UMAD1: variants seen among roughly 807,000 people sequenced by gnomAD.
The protein encoded by UMAD1 is UBAP1-MVB12-associated (UMA) domain containing 1, also known as UBAP1-MVB12-associated (UMA)-domain containing protein 1.
In UMAD1, 8 loss-of-function variants were observed where a neutral mutation model predicts 6.1. The ratio of observed to expected loss-of-function variants is 1.30; its 90% CI spans 0.76 to 2.35. The LOEUF (loss-of-function observed/expected upper bound fraction) is 2.35, where lower values mean the gene tolerates loss of function less well. UMAD1 is among the 30% of genes most tolerant of loss of function. The pLI, the probability that UMAD1 is intolerant of heterozygous loss-of-function variation, is 0.00. For synonymous variants in UMAD1, 56 were observed against 31.4 expected (o/e 1.78, Z -2.61); for missense variants, 130 against 78.4 (o/e 1.66, Z -2.49).
intron 3 of UMAD1, among the ~76,000 whole-genome samples, chr7:7,862,223 GTATAA>G (rs1414004413): frequency 2.0e-5 from 3 of 151,928 alleles, no homozygotes; most frequent in Non-Finnish European, 2.9e-5. Flanking sequence ...AAACAAATTA[GTATAA>G]TATATTTATA....
At chr7:7,754,563 C>A (rs143667980) in intron 2 of UMAD1, among the ~76,000 whole-genome samples, 2 of 152,244 alleles carry the variant, frequency 1.3e-5, no homozygotes, top group African/African-American at 4.8e-5. Flanking sequence ...TTCAGATCTG[C>A]TTTGTTCAGT....
intron 3 of UMAD1, among the ~76,000 whole-genome samples, chr7:7,843,694 A>G (rs187388698): frequency 1.3e-5 from 2 of 152,276 alleles, no homozygotes; most frequent in Non-Finnish European, 2.9e-5. Context: ...GAGTTGTAAC[A>G]AAAGAGTTGC....
intron 2 of UMAD1, among the ~76,000 whole-genome samples, chr7:7,728,660 A>C (rs1014508435): frequency 2.0e-5 from 3 of 151,222 alleles, no homozygotes; most frequent in Non-Finnish European, 3.0e-5. Context: ...AAAAAAAAAA[A>C]CACCTATCTC....
At chr7:7,676,966 T>C (rs1779757199) in intron 2 of UMAD1, among the ~76,000 whole-genome samples, 2 of 152,170 alleles carry the variant, frequency 1.3e-5, no homozygotes, top group Non-Finnish European at 2.9e-5. Flanking sequence ...ATATATAATA[T>C]CTACTTTAGT....
At chr7:7,861,682 G>A (rs527484691) in intron 3 of UMAD1, among the ~76,000 whole-genome samples, 5 of 152,134 alleles carry the variant, frequency 3.3e-5, no homozygotes, top group Admixed American at 6.5e-5. Flanking sequence ...ACCAACTATA[G>A]TGTTTCCAAG....
chr7:7,644,534 C>T (rs1320370143), intron 1 of UMAD1, among the ~76,000 whole-genome samples: 2 of 152,046 alleles, frequency 1.3e-5, no homozygotes, highest in South Asian at 2.1e-4. Flanking sequence ...TTTAATAGTC[C>T]GTCATCTAGA....
intron 2 of UMAD1, among the ~76,000 whole-genome samples, chr7:7,693,586 A>G (rs990039015): frequency 6.6e-6 from 1 of 152,144 alleles, no homozygotes; most frequent in Non-Finnish European, 1.5e-5. Flanking sequence ...TCCTTTAAAC[A>G]TTAAGGTCTA....
At chr7:7,746,016 A>T (rs907939033) in intron 2 of UMAD1, among the ~76,000 whole-genome samples, 2 of 152,170 alleles carry the variant, frequency 1.3e-5, no homozygotes. Context: ...GACTACAGGC[A>T]TGTGGCACCA....
chr7:7,708,011 A>G (rs1193368826), intron 2 of UMAD1, among the ~76,000 whole-genome samples: 7 of 152,180 alleles, frequency 4.6e-5, no homozygotes, highest in Non-Finnish European at 1.0e-4. Context: ...CTCCTCCTGA[A>G]TCACAAAGGT....
intron 1 of UMAD1, among the ~76,000 whole-genome samples, chr7:7,661,479 T>C (rs1321740319): frequency 6.6e-6 from 1 of 152,178 alleles, no homozygotes; most frequent in African/African-American, 2.4e-5. Context: ...CTGGTGACCT[T>C]TCAGTGGGGT....
At chr7:7,792,392 A>T (rs1044114346) in intron 2 of UMAD1, among the ~76,000 whole-genome samples, 6 of 152,176 alleles carry the variant, frequency 3.9e-5, no homozygotes, top group African/African-American at 7.2e-5. Flanking sequence ...TCTTTTCTTC[A>T]TTATGGTGGA....
chr7:7,642,298 C>G (rs1054783465), intron 1 of UMAD1, among the ~76,000 whole-genome samples: 9 of 145,176 alleles, frequency 6.2e-5, no homozygotes, highest in Non-Finnish European at 1.4e-4. Flanking sequence ...CCACACCCAG[C>G]TAATAAAGAT....
At chr7:7,793,514 T>C (rs769531837) in intron 2 of UMAD1, among the ~76,000 whole-genome samples, 3 of 152,118 alleles carry the variant, frequency 2.0e-5, no homozygotes, top group Non-Finnish European at 4.4e-5. Context: ...CTCTAATTGG[T>C]GGAATTTGTG....
At chr7:7,818,850 T>C (rs1242393370) in intron 3 of UMAD1, among the ~76,000 whole-genome samples, 1 of 152,066 alleles carries the variant, frequency 6.6e-6, no homozygotes, top group Non-Finnish European at 1.5e-5. Flanking sequence ...TTGCCCATAG[T>C]TTTTCCTCTG....
chr7:7,717,308 C>T lies in UMAD1; in HGVS notation c.82+43855C>T, dbSNP rs545136134. ...CTGACCCCAAGTGATCCGCCTGCCTCAGCATCCCAAAGTGCTGGAATTACA... is the reference window on the plus strand; with the variant it reads ...CTGACCCCAAGTGATCCGCCTGCCTTAGCATCCCAAAGTGCTGGAATTACA... On this transcript the variant is annotated intron_variant, in intron 2 of 3. Transcript: ENST00000682710. 2.2e-4 allele frequency among the ~76,000 whole-genome samples: 34 copies of T among 152,250 alleles called. No homozygotes were observed. The South Asian group carries it at 6.6e-3, about 30-fold the overall frequency.
chr7:7,694,324 A>G (rs1195882096), intron 2 of UMAD1, among the ~76,000 whole-genome samples: 1 of 152,162 alleles, frequency 6.6e-6, no homozygotes, highest in Non-Finnish European at 1.5e-5. Flanking sequence ...TAATCACATC[A>G]GGGTAAATGG....
At chr7:7,771,265 A>G (rs1782095638) in intron 2 of UMAD1, among the ~76,000 whole-genome samples, 1 of 152,164 alleles carries the variant, frequency 6.6e-6, no homozygotes, top group Non-Finnish European at 1.5e-5. Flanking sequence ...ATAAAGTCTC[A>G]TCACTTGTTG....
At chr7:7,791,437 GCAA>G (rs1782565290) in intron 2 of UMAD1, among the ~76,000 whole-genome samples, 1 of 152,128 alleles carries the variant, frequency 6.6e-6, no homozygotes. Context: ...ATTAACAGCA[GCAA>G]CAACACAAAA....
intron 1 of UMAD1, among the ~76,000 whole-genome samples, chr7:7,644,176 A>G (rs1785041567): frequency 6.6e-6 from 1 of 152,116 alleles, no homozygotes; most frequent in African/African-American, 2.4e-5. Context: ...GCACTCCCTG[A>G]TTACTGAAAA....
Sources: allele counts gnomAD v4.1 joint callset (sites outside exome capture counted in the v4.1 genomes callset), GRCh38; gene constraint gnomAD v4.1.1; transcripts MANE v1.5; gene names NCBI Gene and HGNC (gene_info 2026-07-23, HGNC 2026-07-21).